The following ANXA4 variants were observed in gnomAD, a reference collection of about 807,000 sequenced individuals.
ANXA4 encodes the protein annexin A4, also known as 35-beta calcimedin.
ANXA4 carries 39 observed loss-of-function variants against 49.8 expected under a neutral mutation model. The observed-to-expected ratio is 0.78, with a 90% CI of 0.61 to 1.02. The LOEUF (loss-of-function observed/expected upper bound fraction) is 1.02. Ranked by LOEUF, ANXA4 falls within the 50% of genes least tolerant of loss-of-function variation. The pLI is 0.00. For missense variants in ANXA4, 360 were observed against 410.1 expected, an observed-to-expected ratio of 0.88 and a Z score of 1.05; for synonymous variants, 134 against 152.5, an observed-to-expected ratio of 0.88 and a Z score of 0.89.
intron 8 of ANXA4, 62 bp downstream of exon 8, chr2:69,812,771 T>G: frequency 2.1e-5 from 30 of 1,402,616 alleles, no homozygotes; most frequent in Middle Eastern, 1.8e-4. Context: ...AGACAGGCCT[T>G]AGTGGGTGGA....
chr2:69,805,046 CAAAAAAAAAAAAAAA>C (rs60172949), intron 4 of ANXA4, among the ~76,000 whole-genome samples: 3 of 35,870 alleles, frequency 8.4e-5, no homozygotes, highest in South Asian at 2.0e-3. Context: ...GACTCCATCT[CAAAAAAAAAAAAAAA>C]AAAAAAAAAA....
chr2:69,792,238 C>T (rs1672724702), intron 3 of ANXA4, among the ~76,000 whole-genome samples: 1 of 152,014 alleles, frequency 6.6e-6, no homozygotes, highest in Non-Finnish European at 1.5e-5. Context: ...TTTGTTTTTG[C>T]CAAAATGTTG....
At chr2:69,691,135 C>CTTTT (rs1229349175) in intron 2 of ANXA4, among the ~76,000 whole-genome samples, 2 of 138,878 alleles carry the variant, frequency 1.4e-5, no homozygotes, top group African/African-American at 5.4e-5. Context: ...TTTTTTTTTT[C>CTTTT]TTTTTTTAAA....
chr2:69,643,924 T>G, upstream of ANXA4: 1 of 1,140,328 alleles, frequency 8.8e-7, no homozygotes, highest in Non-Finnish European at 1.1e-6. Context: ...GGGAAGAGGG[T>G]CTCAGTGCAG....
chr2:69,772,039 C>A (rs866376903), intron 1 of ANXA4, among the ~76,000 whole-genome samples: 6 of 152,302 alleles, frequency 3.9e-5, no homozygotes, highest in Middle Eastern at 3.4e-3. Flanking sequence ...TAGTCACCCA[C>A]CCATGTTCTT....
intron 2 of ANXA4, among the ~76,000 whole-genome samples, chr2:69,685,134 T>C (rs1452863451): frequency 6.6e-6 from 1 of 152,006 alleles, no homozygotes; most frequent in African/African-American, 2.4e-5. Context: ...TAGATAATGG[T>C]CTGTAACCTC....
At chr2:69,812,523 C>G in intron 7 of ANXA4, 130 bp from the exon 8 acceptor site, 1 of 696,854 alleles carries the variant, frequency 1.4e-6, no homozygotes, top group Non-Finnish European at 2.4e-6. Context: ...GTCTGTCCTC[C>G]CTCCCTGGGT....
At chr2:69,745,232 G>A (rs1264153430) in intron 1 of ANXA4, among the ~76,000 whole-genome samples, 1 of 152,206 alleles carries the variant, frequency 6.6e-6, no homozygotes, top group Non-Finnish European at 1.5e-5. Context: ...GCAGAGCTGG[G>A]TGGTGGGCTC....
chr2:69,796,807 C>A (rs1250070115), intron 3 of ANXA4, among the ~76,000 whole-genome samples: 2 of 152,144 alleles, frequency 1.3e-5, no homozygotes, highest in Non-Finnish European at 2.9e-5. Context: ...CCCCCAATGG[C>A]TCCTGCAAAA....
intron 1 of ANXA4, among the ~76,000 whole-genome samples, chr2:69,761,347 C>T (rs1260162144): frequency 1.3e-5 from 2 of 152,128 alleles, no homozygotes; most frequent in African/African-American, 4.8e-5. Context: ...AATTTACATG[C>T]TCAAATTATT....
chr2:69,747,420 C>T (rs1670655380), intron 1 of ANXA4, among the ~76,000 whole-genome samples: 1 of 152,166 alleles, frequency 6.6e-6, no homozygotes, highest in African/African-American at 2.4e-5. Context: ...AAAACATTTT[C>T]TGAGTCTTAC....
intron 1 of ANXA4, among the ~76,000 whole-genome samples, chr2:69,765,993 T>C (rs1489161486): frequency 6.6e-6 from 1 of 152,198 alleles, no homozygotes; most frequent in Non-Finnish European, 1.5e-5. Context: ...TGCTAAAATT[T>C]AGAAACAGGA....
chr2:69,752,480 C>T (rs540777504), intron 1 of ANXA4, among the ~76,000 whole-genome samples: 1 of 152,360 alleles, frequency 6.6e-6, no homozygotes, highest in African/African-American at 2.4e-5. Flanking sequence ...TCCCTGCTTA[C>T]CCTGTCCAGA....
At chr2:69,774,619 C>A (rs902488912) in intron 1 of ANXA4, among the ~76,000 whole-genome samples, 2 of 150,516 alleles carry the variant, frequency 1.3e-5, no homozygotes, top group Non-Finnish European at 3.0e-5. Flanking sequence ...AGATTACAGG[C>A]GTGAGCCACC....
chr2:69,807,827 A>C (rs1339115154), intron 5 of ANXA4, 79 bp from the exon 6 acceptor site: 6 of 1,187,074 alleles, frequency 5.1e-6, no homozygotes, highest in Non-Finnish European at 7.4e-6. Context: ...CAGATTCATG[A>C]CAGATGTATT....
chr2:69,781,672 T>G, intron 2 of ANXA4, 98 bp downstream of exon 2: 1 of 1,369,472 alleles, frequency 7.3e-7, no homozygotes, highest in Non-Finnish European at 1.0e-6. Flanking sequence ...CATTGTTTAC[T>G]CAACAGAGGG....
intron 1 of ANXA4, among the ~76,000 whole-genome samples, chr2:69,747,215 G>A (rs758634917): frequency 6.6e-6 from 1 of 151,908 alleles, no homozygotes; most frequent in Non-Finnish European, 1.5e-5. Context: ...TCACCTCCCC[G>A]CCACCCCAGA....
At chr2:69,679,488 G>A (rs777825470) in intron 2 of ANXA4, among the ~76,000 whole-genome samples, 87 of 152,150 alleles carry the variant, frequency 5.7e-4, no homozygotes, top group Non-Finnish European at 1.1e-3. Flanking sequence ...CCTTTGCTGT[G>A]CAGAAGTTTT....
chr2:69,820,385 G>A (rs1390485358), intron 11 of ANXA4, among the ~76,000 whole-genome samples: 1 of 152,130 alleles, frequency 6.6e-6, no homozygotes, highest in Non-Finnish European at 1.5e-5. Flanking sequence ...TAAGGCTGGG[G>A]AGGGAAGGAT....
Sources: gnomAD v4.1 joint callset for allele counts (sites outside exome capture counted in the v4.1 genomes callset) on GRCh38, gnomAD v4.1.1 for gene constraint, MANE v1.5 for transcripts, NCBI Gene and HGNC (gene_info 2026-07-23, HGNC 2026-07-21) for gene names.